Variants in OOSP1 observed in about 807,000 individuals in gnomAD.
OOSP1 encodes the protein oocyte secreted protein 1.
In OOSP1, 11 loss-of-function variants were observed where a neutral mutation model predicts 5.7. The ratio of observed to expected loss-of-function variants is 1.94; its 90% CI spans 1.22 to 3.20. The LOEUF (loss-of-function observed/expected upper bound fraction) is 3.20. Among genes scored for constraint, OOSP1 ranks in the 30% most tolerant of loss-of-function variants. OOSP1 has a pLI of 0.00. For synonymous variants in OOSP1, 44 were observed against 20.0 expected (o/e 2.20, Z -3.20); for missense variants, 83 against 54.1 (o/e 1.53, Z -1.67).
chr11:59,948,756 G>A (rs1433899350), intron 4 of OOSP1: 1 of 398,142 alleles, frequency 2.5e-6, no homozygotes, highest in Non-Finnish European at 4.4e-6. Flanking sequence ...TTTATTGCAA[G>A]AGAAGAAACT....
At chr11:59,951,898 T>A (rs1853944434) in intron 4 of OOSP1, among the ~76,000 whole-genome samples, 1 of 151,284 alleles carries the variant, frequency 6.6e-6, no homozygotes. Context: ...AATGCAAAAA[T>A]TCATCAGCCT....
chr11:59,945,737 C>A (rs371701907), intron 3 of OOSP1, among the ~76,000 whole-genome samples: 3 of 106,688 alleles, frequency 2.8e-5, no homozygotes, highest in Non-Finnish European at 5.1e-5. Flanking sequence ...GGTGACAGAG[C>A]GAGACTCTGT....
chr11:59,949,055 G>T (rs1246053096), intron 4 of OOSP1: 2 of 314,516 alleles, frequency 6.4e-6, no homozygotes, highest in African/African-American at 4.3e-5. Flanking sequence ...TTGCAAGACT[G>T]ACTTGTATGT....
At chr11:59,951,880 C>G (rs906396530) in intron 4 of OOSP1, among the ~76,000 whole-genome samples, 2 of 147,368 alleles carry the variant, frequency 1.4e-5, no homozygotes, top group African/African-American at 5.0e-5. Flanking sequence ...AACTTCCTAA[C>G]TCGTCAGAAT....
chr11:59,944,667 T>G (rs960611221), intron 2 of OOSP1, among the ~76,000 whole-genome samples: 3 of 152,100 alleles, frequency 2.0e-5, no homozygotes, highest in African/African-American at 7.2e-5. Flanking sequence ...TCCTGTTAGG[T>G]ATTTACTATA....
chr11:59,952,124 G>A (rs1415117281), intron 4 of OOSP1, among the ~76,000 whole-genome samples: 1 of 152,026 alleles, frequency 6.6e-6, no homozygotes, highest in Non-Finnish European at 1.5e-5. Context: ...GGTTAAGGTG[G>A]TACCTGTCAT....
chr11:59,950,672 T>A (rs1218930853), intron 4 of OOSP1, among the ~76,000 whole-genome samples: 6 of 152,114 alleles, frequency 3.9e-5, no homozygotes, highest in Non-Finnish European at 8.8e-5. Flanking sequence ...TGAGGGGCAT[T>A]GATGACTTTG....
chr11:59,944,210 G>T (rs941902753), intron 2 of OOSP1, among the ~76,000 whole-genome samples: 1 of 152,070 alleles, frequency 6.6e-6, no homozygotes, highest in Non-Finnish European at 1.5e-5. Flanking sequence ...ATTCCTGGAG[G>T]GGGTGAGAGC....
intron 1 of OOSP1, among the ~76,000 whole-genome samples, chr11:59,941,185 G>A (rs987974148): frequency 4.0e-5 from 6 of 151,602 alleles, no homozygotes; most frequent in East Asian, 1.9e-4. Flanking sequence ...TGGAATTGGC[G>A]TTTTTTTTCA....
chr11:59,947,778 T>G (rs1289249131), exon 4 of OOSP1: 2 of 398,788 alleles, frequency 5.0e-6, no homozygotes, highest in Admixed American at 4.4e-5. Context: ...ATGGGGAAAC[T>G]GACAATGTTA....
chr11:59,951,305 G>A lies in OOSP1; in HGVS notation c.486+3443G>A, dbSNP rs60244647. 7.3e-3 allele frequency among the ~76,000 whole-genome samples: 1,107 copies of A among 151,714 alleles called. 19 individuals carry two copies. Among genetic ancestry groups the A allele is most frequent in the African/African-American group, 0.025 (1,025 of 41,390 alleles). The stretch of plus-strand genomic sequence containing the variant: ...ACTTTTCTGTCACTACCATAGACCT[G>A]AAAAAGAGACAGATCGCTGAGCACA... On this transcript the variant is annotated intron_variant, in intron 4 of 4. Transcript: ENST00000646685.
At chr11:59,955,032 G>C (rs1336826708) in intron 4 of OOSP1, among the ~76,000 whole-genome samples, 1 of 151,024 alleles carries the variant, frequency 6.6e-6, no homozygotes, top group African/African-American at 2.4e-5. Context: ...ATCTAGTAGT[G>C]GTATCATGAG....
chr11:59,947,924 C>G, intron 4 of OOSP1, 62 bp downstream of exon 4: 1 of 397,694 alleles, frequency 2.5e-6, no homozygotes. Context: ...AGATACCAGT[C>G]AATACAATTG....
At chr11:59,940,497 T>G (rs893896448) in intron 1 of OOSP1, among the ~76,000 whole-genome samples, 3 of 152,254 alleles carry the variant, frequency 2.0e-5, no homozygotes, top group Admixed American at 6.5e-5. Flanking sequence ...TATTTCTATT[T>G]AATTCTACAG....
intron 3 of OOSP1, among the ~76,000 whole-genome samples, chr11:59,946,965 ATCTGTCTATCTACTC>A (rs1565232426): frequency 1.7e-3 from 246 of 143,558 alleles, no homozygotes; most frequent in African/African-American, 5.8e-3. Flanking sequence ...CTATCTATCT[ATCTGTCTATCTACTC>A]TGTACCCACA....
At chr11:59,938,994 G>A (rs1371228020) in intron 1 of OOSP1, among the ~76,000 whole-genome samples, 1 of 152,168 alleles carries the variant, frequency 6.6e-6, no homozygotes, top group African/African-American at 2.4e-5. Context: ...CCCCCTAAGT[G>A]AGGTGAGCAG....
intron 1 of OOSP1, among the ~76,000 whole-genome samples, chr11:59,942,390 C>G (rs1431289806): frequency 2.0e-5 from 3 of 152,018 alleles, no homozygotes; most frequent in African/African-American, 7.3e-5. Flanking sequence ...GTTTTGTGGA[C>G]AAGTCTTTAT....
chr11:59,946,582 C>G (rs565209046), intron 3 of OOSP1, among the ~76,000 whole-genome samples: 9 of 152,272 alleles, frequency 5.9e-5, no homozygotes, highest in African/African-American at 2.2e-4. Context: ...GAAATGATGA[C>G]TTATTTTTCT....
intron 4 of OOSP1, among the ~76,000 whole-genome samples, chr11:59,955,253 C>G (rs1318420284): frequency 6.6e-6 from 1 of 152,040 alleles, no homozygotes; most frequent in Non-Finnish European, 1.5e-5. Flanking sequence ...CATGAACTAT[C>G]TTTTTAAATC....
Sources: gnomAD v4.1 joint callset for allele counts (sites outside exome capture counted in the v4.1 genomes callset) on GRCh38, gnomAD v4.1.1 for gene constraint, MANE v1.5 for transcripts, NCBI Gene and HGNC (gene_info 2026-07-23, HGNC 2026-07-21) for gene names.